Variants in LOC128125817 observed in about 807,000 individuals in gnomAD.
chr1:41,620,209 G>A, the LOC128125817 span, among the ~76,000 whole-genome samples: 1 of 152,176 alleles, frequency 6.6e-6, no homozygotes, highest in South Asian at 2.1e-4. Context: ...TGGCACAGGT[G>A]GGTCCAGTTT....
chr1:41,617,960 G>A, the LOC128125817 span, among the ~76,000 whole-genome samples: 1 of 152,166 alleles, frequency 6.6e-6, no homozygotes, highest in Non-Finnish European at 1.5e-5. Context: ...TGGGTGTGTG[G>A]CAGCATTTCC....
the LOC128125817 span, among the ~76,000 whole-genome samples, chr1:41,610,702 C>T: frequency 6.6e-6 from 1 of 152,188 alleles, no homozygotes; most frequent in Admixed American, 6.5e-5. Context: ...ACCCAGGGAG[C>T]CCGGTTTAAT....
the LOC128125817 span, among the ~76,000 whole-genome samples, chr1:41,605,555 A>T: frequency 1.3e-5 from 2 of 152,104 alleles, no homozygotes; most frequent in Non-Finnish European, 2.9e-5. Flanking sequence ...AGAAAAAAGA[A>T]CCAAAAAGAT....
At chr1:41,626,161 G>C in the LOC128125817 span, among the ~76,000 whole-genome samples, 3 of 152,184 alleles carry the variant, frequency 2.0e-5, no homozygotes, top group Non-Finnish European at 4.4e-5. Context: ...CCAAGCCTCT[G>C]ATGGTGCTGA....
At chr1:41,622,393 G>A in the LOC128125817 span, among the ~76,000 whole-genome samples, 233 of 152,306 alleles carry the variant, frequency 1.5e-3, no homozygotes, top group African/African-American at 5.4e-3. Context: ...GAGCAGGGGT[G>A]GGGGAGGAAG....
chr1:41,611,898 C>T, the LOC128125817 span, among the ~76,000 whole-genome samples: 9 of 152,328 alleles, frequency 5.9e-5, no homozygotes, highest in East Asian at 1.7e-3. Flanking sequence ...GGTCGGCTCA[C>T]CCCAGAGCAC....
At chr1:41,622,524 C>T in the LOC128125817 span, among the ~76,000 whole-genome samples, 1 of 152,200 alleles carries the variant, frequency 6.6e-6, no homozygotes, top group Admixed American at 6.5e-5. Flanking sequence ...TAAAATTTTA[C>T]TGGAACACAA....
the LOC128125817 span, among the ~76,000 whole-genome samples, chr1:41,614,697 A>G: frequency 0.024 from 3,697 of 152,332 alleles, 153 homozygotes; most frequent in African/African-American, 0.084. Flanking sequence ...GAAAGACCAG[A>G]AGGGATGGAA....
chr1:41,589,386 A>G, the LOC128125817 span, among the ~76,000 whole-genome samples: 1 of 152,236 alleles, frequency 6.6e-6, no homozygotes, highest in Non-Finnish European at 1.5e-5. Flanking sequence ...TAGCTGTGGG[A>G]GCAGCCCAAT....
the LOC128125817 span, among the ~76,000 whole-genome samples, chr1:41,623,697 A>G: frequency 6.6e-6 from 1 of 152,172 alleles, no homozygotes; most frequent in Non-Finnish European, 1.5e-5. Flanking sequence ...CCAATGTGCA[A>G]TCCCAGCCAC....
At chr1:41,613,927 G>T in the LOC128125817 span, among the ~76,000 whole-genome samples, 2 of 152,220 alleles carry the variant, frequency 1.3e-5, no homozygotes, top group African/African-American at 2.4e-5. Context: ...GTCCTTTTGT[G>T]TCTGGCTTCT....
chr1:41,603,320 G>A, the LOC128125817 span, among the ~76,000 whole-genome samples: 2 of 151,580 alleles, frequency 1.3e-5, no homozygotes, highest in Admixed American at 1.3e-4. Context: ...CACCCACCTC[G>A]GCCTCCCAAA....
the LOC128125817 span, among the ~76,000 whole-genome samples, chr1:41,614,514 C>T: frequency 2.0e-5 from 3 of 152,228 alleles, no homozygotes; most frequent in East Asian, 1.9e-4. Context: ...CTGAGCAGAG[C>T]CAAGCATGCT....
chr1:41,589,055 A>G, the LOC128125817 span, among the ~76,000 whole-genome samples: 2 of 152,244 alleles, frequency 1.3e-5, no homozygotes, highest in African/African-American at 4.8e-5. Context: ...CACTAAGAAA[A>G]TGGTTCTTTT....
the LOC128125817 span, among the ~76,000 whole-genome samples, chr1:41,611,290 A>T: frequency 6.6e-6 from 1 of 152,196 alleles, no homozygotes; most frequent in Admixed American, 6.5e-5. Context: ...TAAGCTATAC[A>T]CGGGCAAAGG....
At chr1:41,607,824 A>G in the LOC128125817 span, among the ~76,000 whole-genome samples, 1 of 152,246 alleles carries the variant, frequency 6.6e-6, no homozygotes, top group Admixed American at 6.5e-5. Context: ...TTAAGTGGCC[A>G]TGGCTGATAT....
chr1:41,620,790 C>T, the LOC128125817 span, among the ~76,000 whole-genome samples: 3 of 152,216 alleles, frequency 2.0e-5, no homozygotes, highest in African/African-American at 7.2e-5. Flanking sequence ...CCCAGTCACT[C>T]ACCCTCCACT....
the LOC128125817 span, among the ~76,000 whole-genome samples, chr1:41,590,757 C>A: frequency 6.6e-6 from 1 of 152,182 alleles, no homozygotes; most frequent in South Asian, 2.1e-4. Context: ...GGAGAGGTAG[C>A]AACACAGATC....
At chr1:41,627,465 T>G in the LOC128125817 span, among the ~76,000 whole-genome samples, 2 of 152,270 alleles carry the variant, frequency 1.3e-5, no homozygotes, top group Admixed American at 1.3e-4. Flanking sequence ...TTCCTTGGAA[T>G]CCAGGGAACG....
Sources: allele counts gnomAD v4.1 joint callset (sites outside exome capture counted in the v4.1 genomes callset), GRCh38; gene constraint gnomAD v4.1.1; transcripts MANE v1.5.